TPRG1: variants seen among roughly 807,000 people sequenced by gnomAD.
TPRG1 encodes tumor protein p63-regulated gene 1 protein.
TPRG1 carries 29 observed loss-of-function variants against 29.3 expected under a neutral mutation model. The observed-to-expected ratio is 0.99, with a 90% CI of 0.74 to 1.35. The LOEUF (loss-of-function observed/expected upper bound fraction) is 1.35, where lower values mean the gene tolerates loss of function less well. TPRG1 is among the 40% of genes most tolerant of loss of function. The probability of loss-of-function intolerance (pLI) is 0.00; values close to 1 mark genes in which losing one functional copy is unlikely to be tolerated. For synonymous variants in TPRG1, 130 were observed against 116.8 expected (o/e 1.11, Z -0.73); for missense variants, 327 against 335.0 (o/e 0.98, Z 0.19).
intron 4 of TPRG1, among the ~76,000 whole-genome samples, chr3:189,036,025 G>A (rs1332024327): frequency 6.6e-6 from 1 of 151,992 alleles, no homozygotes; most frequent in African/African-American, 2.4e-5. Context: ...CAATCTAGAT[G>A]CCCATTACTA....
chr3:189,135,292 T>C (rs79536280), intron 3 of TPRG1, among the ~76,000 whole-genome samples: 110 of 152,362 alleles, frequency 7.2e-4, no homozygotes, highest in African/African-American at 2.6e-3. Flanking sequence ...CAGCATCTTC[T>C]TGAGCGTCAA....
At chr3:189,055,934 G>A (rs1314308928) in intron 4 of TPRG1, among the ~76,000 whole-genome samples, 1 of 151,816 alleles carries the variant, frequency 6.6e-6, no homozygotes, top group African/African-American at 2.4e-5. Flanking sequence ...TCTGCCTGCA[G>A]TGGCCCTCTC....
chr3:189,204,037 CAAAAA>C (rs35367828), intron 1 of TPRG1, among the ~76,000 whole-genome samples: 2 of 87,916 alleles, frequency 2.3e-5, no homozygotes, highest in Non-Finnish European at 4.6e-5. Flanking sequence ...GAGACTGTCT[CAAAAA>C]AAAAAAAAAA....
At chr3:189,246,160 A>G (rs990821989) in intron 4 of TPRG1, among the ~76,000 whole-genome samples, 1 of 152,106 alleles carries the variant, frequency 6.6e-6, no homozygotes. Flanking sequence ...ATAAATCTCA[A>G]TATATCTGAT....
intron 4 of TPRG1, among the ~76,000 whole-genome samples, chr3:189,254,313 C>T (rs192571590): frequency 2.8e-4 from 43 of 152,250 alleles, no homozygotes; most frequent in Admixed American, 2.7e-3. Context: ...TTAGGTTTGT[C>T]AAAGATTAGA....
chr3:189,111,915 A>T (rs1329097805), intron 1 of TPRG1, among the ~76,000 whole-genome samples: 1 of 152,124 alleles, frequency 6.6e-6, no homozygotes, highest in Non-Finnish European at 1.5e-5. Context: ...GTTTTTCATC[A>T]TTTGATATTA....
chr3:189,065,249 A>T (rs1379708221), intron 4 of TPRG1, among the ~76,000 whole-genome samples: 1 of 152,158 alleles, frequency 6.6e-6, no homozygotes, highest in African/African-American at 2.4e-5. Context: ...CAAACATTTA[A>T]AGGAGCATTA....
intron 1 of TPRG1, among the ~76,000 whole-genome samples, chr3:189,193,447 C>T (rs984271147): frequency 6.6e-6 from 1 of 152,012 alleles, no homozygotes; most frequent in African/African-American, 2.4e-5. Flanking sequence ...TTTAAATATG[C>T]ATATCTCTCC....
At chr3:189,136,234 G>C (rs1429949546) in intron 3 of TPRG1, among the ~76,000 whole-genome samples, 2 of 152,168 alleles carry the variant, frequency 1.3e-5, no homozygotes, top group African/African-American at 4.8e-5. Context: ...CTGTGTCCTG[G>C]TGGAGGGTGT....
chr3:189,272,710 TTTC>T (rs778310143), intron 4 of TPRG1, among the ~76,000 whole-genome samples: 5 of 135,122 alleles, frequency 3.7e-5, no homozygotes, highest in Admixed American at 1.5e-4. Context: ...TCTTTCTTTC[TTTC>T]TCCTTCCTTC....
rs186823278 is a variant in TPRG1 at position 189,297,414 on chromosome 3, G to A, written c.480-12972G>A. Among the ~76,000 whole-genome samples, 411 of 152,138 alleles carry A rather than the reference G, an allele frequency of 2.7e-3. 2 individuals are homozygous for A. The highest frequency in any genetic ancestry group is 9.4e-3 in the African/African-American group (391 of 41,506). ...CCCTTCTTTTGATCCCTTTCTAGCT[G>A]TGCCCATCCCCGCGGCCTGAGGAGC... On this transcript the variant is annotated intron_variant, in intron 4 of 5. Transcript: ENST00000345063.
intron 4 of TPRG1, among the ~76,000 whole-genome samples, chr3:189,054,714 A>G (rs963592479): frequency 1.3e-5 from 2 of 152,012 alleles, no homozygotes; most frequent in African/African-American, 2.4e-5. Flanking sequence ...CCCAGGGTAG[A>G]GGTTATGGTG....
At chr3:189,246,207 T>C (rs1301513392) in intron 4 of TPRG1, among the ~76,000 whole-genome samples, 1 of 152,148 alleles carries the variant, frequency 6.6e-6, no homozygotes, top group Non-Finnish European at 1.5e-5. Context: ...ACATGCTCTT[T>C]TGCTTGCCAC....
chr3:189,231,815 C>T (rs992530282), intron 3 of TPRG1, among the ~76,000 whole-genome samples: 1 of 152,158 alleles, frequency 6.6e-6, no homozygotes, highest in Non-Finnish European at 1.5e-5. Flanking sequence ...ATGTGCATAG[C>T]TACTAGCACA....
At chr3:189,020,186 C>A (rs1713217699) in intron 3 of TPRG1, among the ~76,000 whole-genome samples, 2 of 150,860 alleles carry the variant, frequency 1.3e-5, no homozygotes. Flanking sequence ...AAACCAGCTC[C>A]TGGATTCATT....
rs149971607 is a variant in TPRG1, at chr3:189,229,171, C to T, written c.303-9562C>T. Reference sequence around the variant, plus strand: ...CGGGTTTGTAGATTGGAAGACCCAACATAGTAAAGATGTCCATTATCTTCA... The same window carrying T: ...CGGGTTTGTAGATTGGAAGACCCAATATAGTAAAGATGTCCATTATCTTCA... On this transcript the variant is annotated intron_variant, in intron 3 of 5. Coordinates refer to ENST00000345063, the MANE Select transcript of TPRG1 (RefSeq NM_198485.4). Among the ~76,000 whole-genome samples the T allele has an allele frequency of 3.2e-3, 485 of 152,236 alleles. 4 individuals carry two copies. The highest frequency in any genetic ancestry group is 0.011 in the African/African-American group (464 of 41,528).
chr3:189,098,477 A>G (rs1718834629), upstream of TPRG1, among the ~76,000 whole-genome samples: 1 of 152,066 alleles, frequency 6.6e-6, no homozygotes, highest in African/African-American at 2.4e-5. Context: ...GAGATGGCTG[A>G]GAGGGGAAGA....
At chr3:189,305,821 T>C (rs1721540904) in intron 4 of TPRG1, among the ~76,000 whole-genome samples, 1 of 152,198 alleles carries the variant, frequency 6.6e-6, no homozygotes, top group Admixed American at 6.5e-5. Context: ...ACAAACCTTC[T>C]TCCACCAAGT....
At chr3:189,129,364 G>A (rs1308029536) in intron 2 of TPRG1, among the ~76,000 whole-genome samples, 1 of 152,176 alleles carries the variant, frequency 6.6e-6, no homozygotes, top group Non-Finnish European at 1.5e-5. Flanking sequence ...CAGCAGGGAT[G>A]CGTCCTTCTC....
Sources: gnomAD v4.1 joint callset for allele counts (sites outside exome capture counted in the v4.1 genomes callset) on GRCh38, gnomAD v4.1.1 for gene constraint, MANE v1.5 for transcripts, NCBI Gene and HGNC (gene_info 2026-07-23, HGNC 2026-07-21) for gene names.